Variants in LUZP2 observed in about 807,000 individuals in gnomAD.
LUZP2 encodes the protein leucine zipper protein 2.
In LUZP2, 52 loss-of-function variants were observed where a neutral mutation model predicts 51.6. That is an observed-to-expected ratio of 1.01 (90% CI 0.81 to 1.27). The LOEUF is 1.27. Among genes scored for constraint, LUZP2 ranks in the 50% most tolerant of loss-of-function variants. LUZP2 has a pLI of 0.00. For synonymous variants in LUZP2, 154 were observed against 137.3 expected (o/e 1.12, Z -0.85); for missense variants, 436 against 395.4 (o/e 1.10, Z -0.87).
chr11:24,811,504 T>A (rs538677715), intron 5 of LUZP2, among the ~76,000 whole-genome samples: 1 of 152,220 alleles, frequency 6.6e-6, no homozygotes, highest in Non-Finnish European at 1.5e-5. Context: ...CTTTTTTTTT[T>A]ACTTTTATTT....
intron 7 of LUZP2, among the ~76,000 whole-genome samples, chr11:24,961,693 C>G (rs1348173557): frequency 6.6e-6 from 1 of 152,102 alleles, no homozygotes; most frequent in Non-Finnish European, 1.5e-5. Context: ...GGTCTTGACT[C>G]TTTATCCAAT....
At chr11:24,899,830 C>A (rs1853217976) in intron 5 of LUZP2, among the ~76,000 whole-genome samples, 3 of 152,076 alleles carry the variant, frequency 2.0e-5, no homozygotes, top group African/African-American at 4.8e-5. Context: ...AAGGAATAGA[C>A]AAATCCACAA....
intron 1 of LUZP2, among the ~76,000 whole-genome samples, chr11:24,564,808 G>A (rs2133781080): frequency 6.6e-6 from 1 of 152,236 alleles, no homozygotes; most frequent in East Asian, 1.9e-4. Flanking sequence ...CTCTGAGACT[G>A]AGTAAATAAG....
At chr11:24,595,547 C>A (rs1432253386) in intron 1 of LUZP2, among the ~76,000 whole-genome samples, 1 of 152,108 alleles carries the variant, frequency 6.6e-6, no homozygotes, top group East Asian at 1.9e-4. Flanking sequence ...GTGCACCTGT[C>A]AATTTTTTTA....
chr11:24,501,506 T>C (rs983060197), intron 1 of LUZP2, among the ~76,000 whole-genome samples: 1 of 152,232 alleles, frequency 6.6e-6, no homozygotes, highest in Non-Finnish European at 1.5e-5. Context: ...TATAAGAAAC[T>C]ATGTGTGCGG....
intron 5 of LUZP2, among the ~76,000 whole-genome samples, chr11:24,893,501 T>C (rs1852921735): frequency 6.6e-6 from 1 of 152,076 alleles, no homozygotes; most frequent in Non-Finnish European, 1.5e-5. Flanking sequence ...TTTAGGGATA[T>C]TAAATTTTAT....
intron 6 of LUZP2, among the ~76,000 whole-genome samples, chr11:24,911,942 T>G (rs1046878724): frequency 9.2e-5 from 14 of 152,136 alleles, no homozygotes; most frequent in African/African-American, 3.4e-4. Flanking sequence ...CATTTCACCT[T>G]CAGTATCCAT....
intron 1 of LUZP2, among the ~76,000 whole-genome samples, chr11:24,560,943 A>G (rs999100086): frequency 2.0e-5 from 3 of 152,198 alleles, no homozygotes; most frequent in African/African-American, 7.2e-5. Flanking sequence ...TCCCTGAATC[A>G]CAGAAAAGAG....
chr11:25,049,568 C>A (rs1480934017), intron 9 of LUZP2, among the ~76,000 whole-genome samples: 1 of 151,864 alleles, frequency 6.6e-6, no homozygotes, highest in Non-Finnish European at 1.5e-5. Flanking sequence ...AGTTAGTATA[C>A]ATATTGGAGT....
chr11:24,926,585 A>G (rs983690169), intron 7 of LUZP2, among the ~76,000 whole-genome samples: 18 of 145,742 alleles, frequency 1.2e-4, no homozygotes, highest in East Asian at 9.9e-4. Flanking sequence ...GTGTATATAT[A>G]TGTGTGTATA....
intron 1 of LUZP2, among the ~76,000 whole-genome samples, chr11:24,595,225 ATGGTTTTTATTACATGG>A (rs1156432881): frequency 6.6e-6 from 1 of 150,498 alleles, no homozygotes; most frequent in African/African-American, 2.4e-5. Flanking sequence ...AGCATCTCTG[ATGGTTTTTATTACATGG>A]GCCGAAGCAC....
At chr11:24,524,350 C>T (rs1850729746) in intron 1 of LUZP2, among the ~76,000 whole-genome samples, 2 of 151,710 alleles carry the variant, frequency 1.3e-5, no homozygotes, top group Admixed American at 1.3e-4. Flanking sequence ...GACCTATCCT[C>T]ATGAGAACGC....
intron 1 of LUZP2, among the ~76,000 whole-genome samples, chr11:24,604,738 T>G (rs1853855966): frequency 6.6e-6 from 1 of 151,762 alleles, no homozygotes; most frequent in Non-Finnish European, 1.5e-5. Flanking sequence ...AGGAGTAACC[T>G]TACATTTTTC....
intron 1 of LUZP2, among the ~76,000 whole-genome samples, chr11:24,660,228 G>T (rs1041330609): frequency 5.3e-5 from 8 of 152,122 alleles, no homozygotes; most frequent in African/African-American, 1.9e-4. Context: ...GTAAAAGCGT[G>T]CCAGTCCATC....
chr11:25,012,504 T>C (rs1048615954), intron 9 of LUZP2, among the ~76,000 whole-genome samples: 5 of 152,184 alleles, frequency 3.3e-5, no homozygotes, highest in Admixed American at 2.6e-4. Flanking sequence ...CTGCTGGTGC[T>C]GCTGAAGTTC....
chr11:24,852,682 T>C (rs1851433849), intron 5 of LUZP2, among the ~76,000 whole-genome samples: 1 of 152,116 alleles, frequency 6.6e-6, no homozygotes, highest in Admixed American at 6.6e-5. Context: ...GTTTCGTTGA[T>C]CTGTCTGTTA....
intron 5 of LUZP2, among the ~76,000 whole-genome samples, chr11:24,783,293 CT>C (rs1170839670): frequency 4.0e-5 from 6 of 151,734 alleles, no homozygotes; most frequent in Non-Finnish European, 8.8e-5. Flanking sequence ...AAGATTATGC[CT>C]TTGCTGACAG....
chr11:24,547,575 A>T (rs1851596205), intron 1 of LUZP2, among the ~76,000 whole-genome samples: 1 of 152,182 alleles, frequency 6.6e-6, no homozygotes. Flanking sequence ...AATCTACTTA[A>T]GGTGAGTTAA....
chr11:25,060,168 T>C (rs1414698235), intron 10 of LUZP2, among the ~76,000 whole-genome samples: 1 of 152,050 alleles, frequency 6.6e-6, no homozygotes, highest in African/African-American at 2.4e-5. Flanking sequence ...TTCATTAGAG[T>C]TGCTATAACA....
Sources: gnomAD v4.1 joint callset for allele counts (sites outside exome capture counted in the v4.1 genomes callset) on GRCh38, gnomAD v4.1.1 for gene constraint, MANE v1.5 for transcripts, NCBI Gene and HGNC (gene_info 2026-07-23, HGNC 2026-07-21) for gene names.